Variants in FAM184B observed in about 807,000 individuals in gnomAD.
FAM184B encodes family with sequence similarity 184 member B.
Under a neutral mutation model 135.9 loss-of-function variants are expected in FAM184B, and 111 were observed. The observed-to-expected ratio is 0.82, with a 90% CI of 0.70 to 0.96. FAM184B has a LOEUF of 0.96. Among genes scored for constraint, FAM184B ranks in the 40% least tolerant of loss-of-function variants. The pLI is 0.00. For synonymous variants in FAM184B, 552 were observed against 524.8 expected (o/e 1.05, Z -0.71); for missense variants, 1,375 against 1,323.9 (o/e 1.04, Z -0.60).
rs563230666 is a variant in FAM184B, at chr4:17,724,700, C to T, written c.142-15056G>A. On this transcript the variant is annotated intron_variant, in intron 1 of 17. Transcript: ENST00000265018. The stretch of plus-strand genomic sequence containing the variant: ...AGGCCATGTGGTTGCAGGCACTCTG[C>T]GCTTGCAGAAATGAGCTCCTGAATT... 5.9e-5 allele frequency among the ~76,000 whole-genome samples: 9 copies of T among 152,316 alleles called. No homozygotes were observed. The South Asian group carries it at 6.2e-4, about 11-fold the overall frequency.
chr4:17,648,007 A>G (rs909802313), intron 11 of FAM184B, among the ~76,000 whole-genome samples: 3 of 152,136 alleles, frequency 2.0e-5, no homozygotes, highest in Non-Finnish European at 4.4e-5. Flanking sequence ...CTTTTCTGGT[A>G]TGAATTATCC....
At chr4:17,780,788 C>T (rs1719018024) in intron 1 of FAM184B, among the ~76,000 whole-genome samples, 1 of 152,072 alleles carries the variant, frequency 6.6e-6, no homozygotes, top group Non-Finnish European at 1.5e-5. Flanking sequence ...AAATAGAGCC[C>T]ACATGACCTC....
intron 1 of FAM184B, among the ~76,000 whole-genome samples, chr4:17,735,596 G>A (rs1376701053): frequency 6.6e-6 from 1 of 151,526 alleles, no homozygotes; most frequent in Non-Finnish European, 1.5e-5. Flanking sequence ...CCCTGTCATT[G>A]GCATTTTTTT....
At position 17,630,355 on chromosome 4, in the gene FAM184B, C is replaced by T. The variant is rs969107114; in HGVS notation, c.*2177G>A. 1.3e-5 allele frequency: 2 copies of T among 152,120 alleles called. No homozygotes were observed. The highest frequency in any genetic ancestry group is 2.4e-5 in the African/African-American group (1 of 41,426). The allele number at this position is 152,120 out of a possible 1,614,324, so 9.4% of individuals were successfully genotyped here. ...TGGGGCTTTTGGGAAGCAATGGAGT[C>T]ATGAGGGCTTCACCCTCATGAGTAG... On this transcript the variant is annotated 3_prime_UTR_variant, in exon 18 of 18. Transcript: ENST00000265018.
intron 1 of FAM184B, among the ~76,000 whole-genome samples, chr4:17,770,440 G>T (rs7658595): frequency 0.016 from 175 of 10,860 alleles, 1 homozygote; most frequent in South Asian, 0.042. Context: ...AGAACTAGTT[G>T]TTGTTGTTGT....
In FAM184B at chr4:17,709,602, T is replaced by C. The variant is rs1717208915; in HGVS notation, c.184A>G (p.Ser62Gly). ...LNTRQDEAEA[S>G]MEALREAHQE... ...TGCGCTTCCCGCAGCGCCTCCATGC[T>C]GGCCTCAGCCTCATCCTGGCGGGTG... The change falls in exon 2 of 18, where the codon AGC becomes GGC. Residue 62 changes from serine to glycine, a missense_variant. By Grantham distance (56) the Ser-to-Gly change is moderately conservative. Coordinates refer to ENST00000265018, the MANE Select transcript of FAM184B (RefSeq NM_015688.2). The C allele has an allele frequency of 6.5e-7, 1 of 1,538,834 alleles. No homozygotes were observed. Among genetic ancestry groups the C allele is most frequent in the African/African-American group, 1.4e-5 (1 of 72,538 alleles).
chr4:17,657,113 C>A (rs1160349835), intron 10 of FAM184B, among the ~76,000 whole-genome samples: 1 of 152,198 alleles, frequency 6.6e-6, no homozygotes, highest in Non-Finnish European at 1.5e-5. Context: ...TATGATTGAA[C>A]TTCTGCCTCA....
At chr4:17,761,692 T>G (rs963545944) in intron 1 of FAM184B, among the ~76,000 whole-genome samples, 2 of 152,222 alleles carry the variant, frequency 1.3e-5, no homozygotes, top group East Asian at 3.8e-4. Flanking sequence ...AGCTAATTTT[T>G]GTATTTTTAT....
intron 15 of FAM184B, among the ~76,000 whole-genome samples, chr4:17,635,929 C>T (rs1715111432): frequency 6.6e-6 from 1 of 152,120 alleles, no homozygotes; most frequent in South Asian, 2.1e-4. Context: ...ACAATAAAAA[C>T]ACTAATTCTA....
At chr4:17,670,441 G>C (rs1428122281) in intron 7 of FAM184B, among the ~76,000 whole-genome samples, 1 of 152,178 alleles carries the variant, frequency 6.6e-6, no homozygotes, top group South Asian at 2.1e-4. Context: ...ACAGTTATTA[G>C]AGATTAAAAA....
chr4:17,643,453 A>G (rs1003253796), intron 12 of FAM184B, among the ~76,000 whole-genome samples: 3 of 151,992 alleles, frequency 2.0e-5, no homozygotes, highest in African/African-American at 7.3e-5. Context: ...GTGGCCACGT[A>G]TCGGCTCATG....
chr4:17,647,620 A>C lies in FAM184B; in HGVS notation c.2346+17T>G. On this transcript the variant is annotated intron_variant, in intron 12 of 17. Coordinates refer to ENST00000265018, the MANE Select transcript of FAM184B (RefSeq NM_015688.2). ...CTCTGGGAGGGGTATTGCTGGTGCAAGGGCGGGGGCACTGACCTCTGTGGC... is the reference window on the plus strand; with the variant it reads ...CTCTGGGAGGGGTATTGCTGGTGCACGGGCGGGGGCACTGACCTCTGTGGC... 1.9e-6 allele frequency: 3 copies of C among 1,543,138 alleles called. No homozygotes were observed. The South Asian group carries it at 3.6e-5, about 18-fold the overall frequency.
intron 1 of FAM184B, among the ~76,000 whole-genome samples, chr4:17,710,142 A>G (rs963359708): frequency 6.6e-6 from 1 of 152,110 alleles, no homozygotes; most frequent in Non-Finnish European, 1.5e-5. Context: ...CCTAGCCAAC[A>G]TGGCGATCTG....
rs61746445 is a variant in FAM184B, at chr4:17,709,587, G to A, written c.199C>T (p.Arg67Trp). The change falls in exon 2 of 18, where the codon CGG becomes TGG. Residue 67 changes from arginine (R) to tryptophan (W), a missense_variant. Transcript: ENST00000265018. The stretch of plus-strand genomic sequence containing the variant: ...TGGAGCTCCTCCTGGTGCGCTTCCC[G>A]CAGCGCCTCCATGCTGGCCTCAGCC... ...DEAEASMEAL[R>W]EAHQEELQNA... 2.6e-3 allele frequency: 4,082 copies of A among 1,545,308 alleles called. 16 individuals are homozygous for A. Among genetic ancestry groups the A allele is most frequent in the Middle Eastern group, 0.011 (61 of 5,490 alleles).
intron 12 of FAM184B, among the ~76,000 whole-genome samples, chr4:17,645,338 C>T (rs1361980123): frequency 1.3e-5 from 2 of 151,962 alleles, no homozygotes; most frequent in African/African-American, 2.4e-5. Flanking sequence ...ACTACAAGGC[C>T]ACAGTAACCA....
rs565808605 is a variant in FAM184B, at chr4:17,712,770, TA to T, written c.142-3127del. ...ACAAAAAAAAAGCTTTGTATGGCTT[TA>T]AAAAAAAGTCAAAAACTAGAGGCTT... On this transcript the variant is annotated intron_variant, in intron 1 of 17. Coordinates refer to ENST00000265018, the MANE Select transcript of FAM184B (RefSeq NM_015688.2). 9.9e-5 allele frequency among the ~76,000 whole-genome samples: 15 copies of T among 151,996 alleles called. No homozygotes were observed. The South Asian group carries it at 2.1e-3, about 21-fold the overall frequency.
intron 1 of FAM184B, among the ~76,000 whole-genome samples, chr4:17,732,775 G>T (rs1441349932): frequency 6.6e-6 from 1 of 152,020 alleles, no homozygotes; most frequent in Non-Finnish European, 1.5e-5. Flanking sequence ...GAGCTGGTAC[G>T]ATTCCTTCTG....
intron 1 of FAM184B, among the ~76,000 whole-genome samples, chr4:17,726,507 G>A (rs1169536794): frequency 6.6e-6 from 1 of 152,090 alleles, no homozygotes; most frequent in Non-Finnish European, 1.5e-5. Flanking sequence ...GAGTAGCTGG[G>A]ATTACAGGTA....
At chr4:17,649,845 T>TGTCCATCCATCCATCCACCC (rs1715562573) in intron 11 of FAM184B, among the ~76,000 whole-genome samples, 2 of 137,140 alleles carry the variant, frequency 1.5e-5, no homozygotes, top group African/African-American at 3.2e-5. Context: ...TCCATCCACC[T>TGTCCATCCATCCATCCACCC]GTCCATCCAT....
Sources: allele counts gnomAD v4.1 joint callset (sites outside exome capture counted in the v4.1 genomes callset), GRCh38; gene constraint gnomAD v4.1.1; transcripts MANE v1.5; gene names NCBI Gene and HGNC (gene_info 2026-07-23, HGNC 2026-07-21).